Variants in INPP5D observed in about 807,000 individuals in gnomAD.
INPP5D encodes phosphatidylinositol 3,4,5-trisphosphate 5-phosphatase 1.
Under a neutral mutation model 122.9 loss-of-function variants are expected in INPP5D, and 33 were observed. The observed-to-expected ratio is 0.27, with a 90% CI of 0.20 to 0.36. The LOEUF is 0.36. INPP5D is among the 10% of genes least tolerant of loss of function. The pLI is 1.00. For synonymous variants in INPP5D, 584 were observed against 576.2 expected (o/e 1.01, Z -0.19); for missense variants, 1,053 against 1,412.7 (o/e 0.75, Z 4.08).
intron 2 of INPP5D, among the ~76,000 whole-genome samples, chr2:233,117,184 T>C (rs543052568): frequency 5.4e-4 from 82 of 152,130 alleles, no homozygotes; most frequent in Non-Finnish European, 3.8e-4. Flanking sequence ...GCGGCTGCTG[T>C]GGAATGGGGA....
At chr2:233,194,463 C>T (rs1695130849) in intron 23 of INPP5D, among the ~76,000 whole-genome samples, 1 of 149,766 alleles carries the variant, frequency 6.7e-6, no homozygotes, top group Non-Finnish European at 1.5e-5. Context: ...TGGTGCCCAC[C>T]CAGGTTTCTG....
chr2:233,170,948 C>A lies in INPP5D; in HGVS notation c.1901-116C>A. The stretch of plus-strand genomic sequence containing the variant: ...AAGCAGCAGCCTCTCCTCTTGGAGC[C>A]TTTCCAGCCATCCTTTCGTCCCCTT... On this transcript the variant is annotated intron_variant, in intron 16 of 26. Transcript: ENST00000445964. The surrounding 1 kb of genome is among the most constrained non-coding windows in gnomAD (Gnocchi z 4.5). 1 of 1,336,480 alleles carries A rather than the reference C, an allele frequency of 7.5e-7. No homozygotes were observed. Among genetic ancestry groups the A allele is most frequent in the Middle Eastern group, 1.9e-4 (1 of 5,186 alleles). 82.8% of individuals were successfully genotyped at this position (1,336,480 alleles called of 1,614,324 possible). A position where few individuals can be genotyped will look rare whatever the true frequency, so the allele number is the denominator to read the frequency against.
At position 233,177,436 on chromosome 2, in the gene INPP5D, T is replaced by C. The variant is rs1418508852; in HGVS notation, c.2071+90T>C. 5 of 1,601,134 alleles carry C rather than the reference T, an allele frequency of 3.1e-6. No individual in the cohort carries two copies. The highest frequency in any genetic ancestry group is 4.3e-6 in the Non-Finnish European group (5 of 1,170,726). On this transcript the variant is annotated intron_variant, in intron 18 of 26. Transcript: ENST00000445964. The surrounding 1 kb of genome is among the most constrained non-coding windows in gnomAD (Gnocchi z 4.2). ...CTGCCCTAAAATCTAAGGGCTTCAG[T>C]CTGTTGATGTGTCAAAGGGAGGAAT...
chr2:233,072,170 G>T (rs962612842), intron 1 of INPP5D, among the ~76,000 whole-genome samples: 2 of 152,172 alleles, frequency 1.3e-5, no homozygotes, highest in African/African-American at 4.8e-5. Flanking sequence ...AAAGGTAATT[G>T]TTGCTGTTTG....
chr2:233,195,545 A>G, intron 24 of INPP5D, 50 bp downstream of exon 24: 11 of 1,610,772 alleles, frequency 6.8e-6, no homozygotes, highest in Non-Finnish European at 8.5e-6. Flanking sequence ...TCAGGGACTC[A>G]TGACAAATTA....
At chr2:233,193,001 C>T (rs1482920535) in intron 22 of INPP5D, among the ~76,000 whole-genome samples, 1 of 152,240 alleles carries the variant, frequency 6.6e-6, no homozygotes, top group East Asian at 1.9e-4. Flanking sequence ...GATTCTCCTG[C>T]CTCAGCATCC....
intron 2 of INPP5D, among the ~76,000 whole-genome samples, chr2:233,098,943 T>TATTTATTTATTTATTG (rs1365148110): frequency 6.7e-6 from 1 of 150,278 alleles, no homozygotes; most frequent in Non-Finnish European, 1.5e-5. Context: ...TATTTTTATT[T>TATTTATTTATTTATTG]ATTTATTTAT....
intron 2 of INPP5D, among the ~76,000 whole-genome samples, chr2:233,087,533 C>T (rs1428843683): frequency 1.3e-5 from 2 of 152,068 alleles, no homozygotes; most frequent in Non-Finnish European, 2.9e-5. Context: ...CACCATGTTG[C>T]CCAGGATGGT....
intron 1 of INPP5D, among the ~76,000 whole-genome samples, chr2:233,076,056 T>A (rs1185404104): frequency 2.0e-5 from 3 of 152,234 alleles, no homozygotes; most frequent in Admixed American, 2.0e-4. Flanking sequence ...TTTCCTGTTC[T>A]GTGCGCCTGC....
intron 10 of INPP5D, among the ~76,000 whole-genome samples, chr2:233,161,396 G>A (rs28539971): frequency 0.35 from 52,514 of 152,008 alleles, 11,244 homozygotes; most frequent in Non-Finnish European, 0.48. Flanking sequence ...CTGGCCCTCT[G>A]ATACATTATT....
intron 1 of INPP5D, among the ~76,000 whole-genome samples, chr2:233,073,640 CAAAA>C (rs752382722): frequency 6.8e-5 from 3 of 44,200 alleles, no homozygotes; most frequent in Admixed American, 2.5e-4. Flanking sequence ...AACTCAATCT[CAAAA>C]AAAAAAAAAA....
intron 5 of INPP5D, among the ~76,000 whole-genome samples, chr2:233,132,974 A>G (rs1289554349): frequency 6.8e-6 from 1 of 147,936 alleles, no homozygotes; most frequent in Non-Finnish European, 1.5e-5. Context: ...CTGCAGCCTC[A>G]ACCTCCTGGG....
At chr2:233,148,022 C>T (rs1326778919) in intron 9 of INPP5D, among the ~76,000 whole-genome samples, 1 of 152,226 alleles carries the variant, frequency 6.6e-6, no homozygotes, top group East Asian at 1.9e-4. Context: ...GAATAATATG[C>T]TCAAGGCTCT....
intron 2 of INPP5D, among the ~76,000 whole-genome samples, chr2:233,118,695 G>A (rs1300203967): frequency 6.6e-6 from 1 of 152,208 alleles, no homozygotes; most frequent in African/African-American, 2.4e-5. Flanking sequence ...CCCTCAGGTG[G>A]GGTCTGTCCC....
intron 22 of INPP5D, among the ~76,000 whole-genome samples, chr2:233,190,504 G>C (rs917514002): frequency 7.9e-5 from 12 of 152,146 alleles, no homozygotes; most frequent in Non-Finnish European, 1.6e-4. Flanking sequence ...TCCCCAGCCA[G>C]AGCAATTTGG....
intron 1 of INPP5D, among the ~76,000 whole-genome samples, chr2:233,065,590 TC>T (rs1691194463): frequency 1.8e-4 from 2 of 10,962 alleles, no homozygotes; most frequent in African/African-American, 6.1e-4. Flanking sequence ...CTTCTTTCTT[TC>T]TTTCTTTCTT....
intron 1 of INPP5D, among the ~76,000 whole-genome samples, chr2:233,067,821 G>A (rs1303475507): frequency 1.3e-5 from 2 of 152,188 alleles, no homozygotes; most frequent in African/African-American, 2.4e-5. Context: ...ATGGCCATTT[G>A]TATTTGGAGA....
At chr2:233,079,258 G>A (rs1691607686) in intron 1 of INPP5D, 77 bp from the exon 2 acceptor site, 1 of 902,494 alleles carries the variant, frequency 1.1e-6, no homozygotes, top group Non-Finnish European at 1.8e-6. Flanking sequence ...AGCTGTGTCA[G>A]GAAGTCTTGT....
chr2:233,189,824 CCA>C lies in INPP5D; in HGVS notation c.2359-25_2359-24del. 6.2e-7 allele frequency: 1 copy of C among 1,610,868 alleles called. No individual in the cohort carries two copies. Among genetic ancestry groups the C allele is most frequent in the South Asian group, 1.1e-5 (1 of 90,666 alleles). On this transcript the variant is annotated intron_variant, in intron 21 of 26. Coordinates refer to ENST00000445964, the MANE Select transcript of INPP5D (RefSeq NM_001017915.3). The surrounding 1 kb of genome is among the most constrained non-coding windows in gnomAD (Gnocchi z 5.6). ...CTCACCTGTCCCTTGCCCATCAACT[CCA>C]GTCCTGTGCCCTTCTCTCTGCAGCT...
Sources: gnomAD v4.1 joint callset for allele counts (sites outside exome capture counted in the v4.1 genomes callset) on GRCh38, gnomAD v4.1.1 for gene constraint, Gnocchi (gnomAD v3.1) non-coding constraint, MANE v1.5 for transcripts, NCBI Gene and HGNC (gene_info 2026-07-23, HGNC 2026-07-21) for gene names.